Variants in CD14 observed in about 807,000 individuals in gnomAD.
The protein encoded by CD14 is CD14 molecule.
Under a neutral mutation model 2.5 loss-of-function variants are expected in CD14, and 4 were observed. That is an observed-to-expected ratio of 1.63 (90% CI 0.80 to 3.72). CD14 has a LOEUF of 3.72. CD14 is among the 30% of genes most tolerant of loss of function. The pLI is 0.01. For missense variants in CD14, 478 were observed against 497.8 expected, an observed-to-expected ratio of 0.96 and a Z score of 0.38; for synonymous variants, 236 against 235.1, an observed-to-expected ratio of 1.00 and a Z score of -0.04.
rs1165889710 is a variant in CD14 at position 140,632,395 on chromosome 5, T to C, written c.589A>G (p.Thr197Ala). 6.2e-7 allele frequency: 1 copy of C among 1,614,108 alleles called. No individual in the cohort carries two copies. Among genetic ancestry groups the C allele is most frequent in the Non-Finnish European group, 8.5e-7 (1 of 1,180,030 alleles). The change falls in exon 2 of 2, where the codon ACC (threonine) becomes GCC (alanine). Residue 197 changes from threonine (T) to alanine (A), a missense_variant. Physicochemically the swap from Thr to Ala is moderately conservative, Grantham distance 58 (BLOSUM62 0). Transcript: ENST00000302014. The surrounding 1 kb of genome is among the most constrained non-coding windows in gnomAD (Gnocchi z 6.2). ...GGATTGTCAGACAGGTCTAGGCTGG[T>C]AAGGGCCGGGAAGGCGCGAACCTGT... ...CEQVRAFPAL[T>A]SLDLSDNPGL...
rs893202830 is a variant in CD14 at position 140,631,773 on chromosome 5, T to A, written c.*83A>T. ...AATAAAGGTGGGGCAAAGGGTTGAA[T>A]TGGTCGAAAAGTCCTCAACGTCCTG... On this transcript the variant is annotated 3_prime_UTR_variant, in exon 2 of 2. Coordinates refer to ENST00000302014, the MANE Select transcript of CD14 (RefSeq NM_000591.4). The A allele has an allele frequency of 6.1e-6, 8 of 1,305,744 alleles. No individual in the cohort carries two copies. The highest frequency in any genetic ancestry group is 8.5e-6 in the Non-Finnish European group (8 of 943,028). The allele number at this position is 1,305,744 out of a possible 1,614,324, so 80.9% of individuals were successfully genotyped here.
Position 140,632,957 on chromosome 5 carries a change from C to T in CD14, c.27G>A (p.Leu9=). The T allele has an allele frequency of 6.2e-7, 1 of 1,614,166 alleles. No homozygotes were observed. Among genetic ancestry groups the T allele is most frequent in the Non-Finnish European group, 8.5e-7 (1 of 1,180,028 alleles). The change falls in exon 2 of 2, where the codon CTG becomes CTA. Residue 9 remains leucine (L), a synonymous_variant. Transcript: ENST00000302014. The surrounding 1 kb of genome is among the most constrained non-coding windows in gnomAD (Gnocchi z 6.2). MERASCLL[L]LLLPLVHVSA... The stretch of plus-strand genomic sequence containing the variant: ...AGACGTGCACCAGCGGCAGCAGCAG[C>T]AGCAACAAGCAGGACGCGCGCTCCT...
rs1024668475 is a variant in CD14, at chr5:140,632,292, T to C, written c.692A>G (p.Asn231Ser). 6.2e-6 allele frequency: 10 copies of C among 1,613,876 alleles called. No homozygotes were observed. The highest frequency in any genetic ancestry group is 6.8e-6 in the Non-Finnish European group (8 of 1,180,054). ...GCCTGTGGGCGTCTCCATTCCTGTGTTGCGCAGCGCTAGATTCTGGATGGC... is the reference window on the plus strand; with the variant it reads ...GCCTGTGGGCGTCTCCATTCCTGTGCTGCGCAGCGCTAGATTCTGGATGGC... The part of the protein sequence containing the change: ...FPAIQNLALR[N>S]TGMETPTGVC... The change falls in exon 2 of 2, where the codon AAC (asparagine) becomes AGC (serine). Residue 231 changes from asparagine to serine, a missense_variant. Transcript: ENST00000302014. This position sits in a 1 kb window ranked among gnomAD's most constrained non-coding sequence, Gnocchi z 6.2.
Position 140,632,497 on chromosome 5 carries a change from C to A in CD14, c.487G>T (p.Glu163Ter), listed in dbSNP as rs200391671. 4 of 1,613,976 alleles carry A rather than the reference C, an allele frequency of 2.5e-6. No homozygotes were observed. The Admixed American group carries it at 6.7e-5, about 27-fold the overall frequency. Residue 163 changes from glutamate (E) to a stop codon, truncating the protein, a stop_gained, in exon 2 of 2, where the codon GAG (glutamate) becomes TAG (stop). Transcript: ENST00000302014. LOFTEE classifies it low-confidence loss of function (END_TRUNC). This position sits in a 1 kb window ranked among gnomAD's most constrained non-coding sequence, Gnocchi z 6.2. ...SWATGRSWLA[E>*]LQQWLKPGLK... ...CCTGGCTTGAGCCACTGCTGCAGCT[C>A]GGCGAGCCAAGAACGCCCTGTCGCC...
upstream of CD14, chr5:140,633,410 C>A: frequency 2.1e-6 from 1 of 478,534 alleles, no homozygotes; most frequent in Non-Finnish European, 3.8e-6. Flanking sequence ...GCGCCCCAGG[C>A]GGTGAATGCC....
At chr5:140,633,307 A>C, upstream of CD14, 1 of 619,998 alleles carries the variant, frequency 1.6e-6, no homozygotes, top group East Asian at 2.8e-5. Context: ...AAATATTGCA[A>C]TGAAGGATGT....
At chr5:140,633,276 C>A, upstream of CD14, 1 of 658,572 alleles carries the variant, frequency 1.5e-6, no homozygotes. Context: ...TTCCTCCGAG[C>A]CAGCCCCCTT....
At position 140,632,030 on chromosome 5, in the gene CD14, C is replaced by T. The variant is rs1449545329; in HGVS notation, c.954G>A (p.Leu318=). 6.2e-7 allele frequency: 1 copy of T among 1,614,220 alleles called. No homozygotes were observed. Among genetic ancestry groups the T allele is most frequent in the Admixed American group, 1.7e-5 (1 of 60,024 alleles). The stretch of plus-strand genomic sequence containing the variant: ...CCAGTGTCAGGTTATCCACCTCGGG[C>T]AGCTCGTCAGGCTGCGGCGCCCTGT... ...RLNRAPQPDE[L]PEVDNLTLDG... Residue 318 remains leucine (L), a synonymous_variant, in exon 2 of 2, where the codon CTG becomes CTA. Coordinates refer to ENST00000302014, the MANE Select transcript of CD14 (RefSeq NM_000591.4). This position sits in a 1 kb window ranked among gnomAD's most constrained non-coding sequence, Gnocchi z 6.2.
rs776679754 is a variant in CD14 at position 140,631,919 on chromosome 5, C to G, written c.1065G>C (p.Ser355=). The part of the protein sequence containing the change: ...NSGVVPACAR[S]TLSVGVSGTL... The stretch of plus-strand genomic sequence containing the variant: ...TTCCCGACACCCCCACCGACAGGGT[C>G]GAACGTGCACAGGCTGGGACCACGC... Residue 355 remains serine (S), a synonymous_variant, in exon 2 of 2, where the codon TCG becomes TCC. Coordinates refer to ENST00000302014, the MANE Select transcript of CD14 (RefSeq NM_000591.4). 1.8e-5 allele frequency: 29 copies of G among 1,603,798 alleles called. No individual in the cohort carries two copies. The highest frequency in any genetic ancestry group is 2.5e-5 in the Non-Finnish European group (29 of 1,172,080).
At position 140,632,624 on chromosome 5, in the gene CD14, T is replaced by C. The variant is rs1756632235; in HGVS notation, c.360A>G (p.Glu120=). Reference sequence around the variant, plus strand: ...TTATCTTTAGGTCCTCGAGCGTCAGTTCCTTGAGGCGGGAGTACGCTAGCA... The same window carrying C: ...TTATCTTTAGGTCCTCGAGCGTCAGCTCCTTGAGGCGGGAGTACGCTAGCA... The part of the protein sequence containing the change: ...LRVLAYSRLK[E]LTLEDLKITG... Residue 120 remains glutamate (E), a synonymous_variant, in exon 2 of 2, where the codon GAA becomes GAG. Transcript: ENST00000302014. This position sits in a 1 kb window ranked among gnomAD's most constrained non-coding sequence, Gnocchi z 6.2. 6.2e-7 allele frequency: 1 copy of C among 1,613,830 alleles called. No individual in the cohort carries two copies. The highest frequency in any genetic ancestry group is 8.5e-7 in the Non-Finnish European group (1 of 1,180,008).
chr5:140,632,402 C>G lies in CD14; in HGVS notation c.582G>C (p.Pro194=), dbSNP rs1354901533. 1 of 1,614,098 alleles carries G rather than the reference C, an allele frequency of 6.2e-7. No homozygotes were observed. The highest frequency in any genetic ancestry group is 8.5e-7 in the Non-Finnish European group (1 of 1,180,034). ...AFSCEQVRAF[P]ALTSLDLSDN... ...CAGACAGGTCTAGGCTGGTAAGGGC[C>G]GGGAAGGCGCGAACCTGTTCGCAGG... The change falls in exon 2 of 2, where the codon CCG becomes CCC. Residue 194 remains proline (P), a synonymous_variant. Coordinates refer to ENST00000302014, the MANE Select transcript of CD14 (RefSeq NM_000591.4). The surrounding 1 kb of genome is among the most constrained non-coding windows in gnomAD (Gnocchi z 6.2).
chr5:140,633,075 C>A lies in CD14; in HGVS notation c.-4G>T. The A allele has an allele frequency of 6.2e-7, 1 of 1,614,116 alleles. No homozygotes were observed. The highest frequency in any genetic ancestry group is 8.5e-7 in the Non-Finnish European group (1 of 1,179,988). ...CCCAAGACCCTACACTCACCATGGT[C>A]GATAAGTCTTCCGAACCTCTGAGCT... On this transcript the variant is annotated 5_prime_UTR_variant, in exon 1 of 2. Transcript: ENST00000302014.
rs540630890 is a variant in CD14 at position 140,632,197 on chromosome 5, C to G, written c.787G>C (p.Ala263Pro). 1.9e-6 allele frequency: 3 copies of G among 1,613,500 alleles called. No homozygotes were observed. Among genetic ancestry groups the G allele is most frequent in the Non-Finnish European group, 2.5e-6 (3 of 1,179,684 alleles). Reference sequence around the variant, plus strand: ...CTCGGAGCGCTAGGGTTTACGGTGGCGCGCAGCGAGTTGTGGCTGAGGTCT... The same window carrying G: ...CTCGGAGCGCTAGGGTTTACGGTGGGGCGCAGCGAGTTGTGGCTGAGGTCT... ...SLDLSHNSLR[A>P]TVNPSAPRCM... The change falls in exon 2 of 2, where the codon GCC (alanine) becomes CCC (proline). Residue 263 changes from alanine (A) to proline (P), a missense_variant. By Grantham distance (27) the Ala-to-Pro change is conservative. Transcript: ENST00000302014. This position sits in a 1 kb window ranked among gnomAD's most constrained non-coding sequence, Gnocchi z 6.2.
intron 1 of CD14, 43 bp downstream of exon 1, chr5:140,633,026 G>A (rs915338170): frequency 6.2e-7 from 1 of 1,614,120 alleles, no homozygotes; most frequent in Non-Finnish European, 8.5e-7. Flanking sequence ...AACCCCTGTG[G>A]CTCCCGAGTG....
chr5:140,632,596 C>G lies in CD14; in HGVS notation c.388G>C (p.Gly130Arg). 6.2e-7 allele frequency: 1 copy of G among 1,613,938 alleles called. No homozygotes were observed. Among genetic ancestry groups the G allele is most frequent in the African/African-American group, 1.3e-5 (1 of 75,050 alleles). The change falls in exon 2 of 2, where the codon GGC (glycine) becomes CGC (arginine). Residue 130 changes from glycine (G) to arginine (R), a missense_variant. Gly to Arg is a moderately radical substitution (Grantham distance 125). Coordinates refer to ENST00000302014, the MANE Select transcript of CD14 (RefSeq NM_000591.4). The surrounding 1 kb of genome is among the most constrained non-coding windows in gnomAD (Gnocchi z 6.2). ...TCCAGAGGCAGCGGAGGCATGGTGC[C>G]GGTTATCTTTAGGTCCTCGAGCGTC... is the stretch of plus-strand genomic sequence containing the variant. Reference protein sequence around the residue: ...ELTLEDLKITGTMPPLPLEAT... With the variant: ...ELTLEDLKITRTMPPLPLEAT...
In CD14 at chr5:140,632,049, G is replaced by T. The variant is rs776267377; in HGVS notation, c.935C>A (p.Ala312Glu). ...LDLSCNRLNR[A>E]PQPDELPEVD... The stretch of plus-strand genomic sequence containing the variant: ...CTCGGGCAGCTCGTCAGGCTGCGGC[G>T]CCCTGTTCAGTCTGTTGCAGCTGAG... Residue 312 changes from alanine to glutamate, a missense_variant, in exon 2 of 2, where the codon GCG becomes GAG. Physicochemically the swap from Ala to Glu is moderately radical, Grantham distance 107 (BLOSUM62 -1). Transcript: ENST00000302014. This position sits in a 1 kb window ranked among gnomAD's most constrained non-coding sequence, Gnocchi z 6.2. The T allele has an allele frequency of 1.2e-6, 2 of 1,614,230 alleles. No individual in the cohort carries two copies. Among genetic ancestry groups the T allele is most frequent in the African/African-American group, 2.7e-5 (2 of 75,060 alleles).
At position 140,632,444 on chromosome 5, in the gene CD14, T is replaced by C; in HGVS notation, c.540A>G (p.Ala180=). Residue 180 remains alanine (A), a synonymous_variant, in exon 2 of 2, where the codon GCA becomes GCG. Coordinates refer to ENST00000302014, the MANE Select transcript of CD14 (RefSeq NM_000591.4). This position sits in a 1 kb window ranked among gnomAD's most constrained non-coding sequence, Gnocchi z 6.2. ...GTTCGCAGGAAAAGGCAGGCGAGTG[T>C]GCTTGGGCAATGCTCAGTACCTTGA... ...PGLKVLSIAQ[A]HSPAFSCEQV... is the part of the protein sequence containing the mutation. 6.2e-7 allele frequency: 1 copy of C among 1,614,196 alleles called. No homozygotes were observed. The highest frequency in any genetic ancestry group is 8.5e-7 in the Non-Finnish European group (1 of 1,180,028).
At position 140,632,221 on chromosome 5, in the gene CD14, C is replaced by G. The variant is rs756150689; in HGVS notation, c.763G>C (p.Asp255His). ...AAAGVQPHSL[D>H]LSHNSLRATV... Reference sequence around the variant, plus strand: ...GCGCGCAGCGAGTTGTGGCTGAGGTCTAGGCTGTGGGGCTGCACACCTGCC... The same window carrying G: ...GCGCGCAGCGAGTTGTGGCTGAGGTGTAGGCTGTGGGGCTGCACACCTGCC... Residue 255 changes from aspartate to histidine, a missense_variant, in exon 2 of 2, where the codon GAC (aspartate) becomes CAC (histidine). Asp to His is a moderately conservative substitution (Grantham distance 81, BLOSUM62 -1). Transcript: ENST00000302014. The surrounding 1 kb of genome is among the most constrained non-coding windows in gnomAD (Gnocchi z 6.2). The G allele has an allele frequency of 3.7e-6, 6 of 1,613,740 alleles. No homozygotes were observed. Among genetic ancestry groups the G allele is most frequent in the Non-Finnish European group, 8.5e-7 (1 of 1,180,024 alleles).
rs1428254886 is a variant in CD14 at position 140,632,527 on chromosome 5, A to G, written c.457T>C (p.Ser153Pro). ...AGCCAAGAACGCCCTGTCGCCCACG[A>G]CACGTTGCGTAGGCGCAAGCTGGAA... is the stretch of plus-strand genomic sequence containing the variant. ...ALSSLRLRNV[S>P]WATGRSWLAE... is the part of the protein sequence containing the mutation. Residue 153 changes from serine (S) to proline (P), a missense_variant, in exon 2 of 2, where the codon TCG (serine) becomes CCG (proline). Ser to Pro is a moderately conservative substitution (Grantham distance 74, BLOSUM62 -1). Transcript: ENST00000302014. This position sits in a 1 kb window ranked among gnomAD's most constrained non-coding sequence, Gnocchi z 6.2. The G allele has an allele frequency of 4.3e-6, 7 of 1,614,148 alleles. No homozygotes were observed. The East Asian group carries it at 1.6e-4, about 36-fold the overall frequency.
Sources: allele counts gnomAD v4.1 joint callset, GRCh38; gene constraint gnomAD v4.1.1; non-coding constraint Gnocchi (gnomAD v3.1); transcripts MANE v1.5; gene names NCBI Gene and HGNC (gene_info 2026-07-23, HGNC 2026-07-21).